Variants in CHD5 observed in about 807,000 individuals in gnomAD.
CHD5 encodes ATP-dependent chromatin remodeler CHD5.
A neutral mutation model predicts 230.3 loss-of-function variants in CHD5; 69 were observed. The ratio of observed to expected loss-of-function variants is 0.30; its 90% CI spans 0.25 to 0.37. The LOEUF (loss-of-function observed/expected upper bound fraction) is 0.37. CHD5 is among the 10% of genes least tolerant of loss of function. The pLI is 1.00. For missense variants in CHD5, 1,827 were observed against 2,622.8 expected (o/e 0.70, Z 6.63); for synonymous variants, 1,064 against 1,065.9 (o/e 1.00, Z 0.03).
In CHD5 at chr1:6,106,528, C is replaced by T. The variant is rs1213023331; in HGVS notation, c.5743-19G>A. The T allele has an allele frequency of 1.3e-6, 2 of 1,550,742 alleles. No homozygotes were observed. The highest frequency in any genetic ancestry group is 1.7e-6 in the Non-Finnish European group (2 of 1,147,174). ...AAGCGCCCTGGAGGCAAGGACTCAG[C>T]TTCACAGGTGGTCTCAGGCCCCCCA... On this transcript the variant is annotated intron_variant, in intron 39 of 41. Transcript: ENST00000262450.
In CHD5 at chr1:6,142,174, A is replaced by G; in HGVS notation, c.2390T>C (p.Phe797Ser). ...CCCACTCCGAATGGCGTTGTCCTCA[A>G]AGGAAAACTCGTTCTCCCGAATCAC... The part of the protein sequence containing the change: ...RSVIRENEFS[F>S]EDNAIRSGKK... Residue 797 changes from phenylalanine (F) to serine (S), a missense_variant, in exon 15 of 42, where the codon TTT becomes TCT. Transcript: ENST00000262450. The surrounding 1 kb of genome is among the most constrained non-coding windows in gnomAD (Gnocchi z 5.2). 1 of 1,614,120 alleles carries G rather than the reference A, an allele frequency of 6.2e-7. No individual in the cohort carries two copies. The highest frequency in any genetic ancestry group is 8.5e-7 in the Non-Finnish European group (1 of 1,179,990).
rs754586094 is a variant in CHD5, at chr1:6,151,086, C to T, written c.940G>A (p.Glu314Lys). The change falls in exon 7 of 42, where the codon GAA (glutamate) becomes AAA (lysine). Residue 314 changes from glutamate to lysine, a missense_variant. Coordinates refer to ENST00000262450, the MANE Select transcript of CHD5 (RefSeq NM_015557.3). ...TTCTTGCCCAGGGCTGCAGAGCATT[C>T]GGAGCGCACGGAGGCACTGTGGATG... The part of the protein sequence containing the change: ...ASIHSASVRS[E>K]CSAALGKKSK... 1.9e-6 allele frequency: 3 copies of T among 1,608,952 alleles called. No homozygotes were observed. The highest frequency in any genetic ancestry group is 1.7e-6 in the Non-Finnish European group (2 of 1,177,392).
intron 2 of CHD5, among the ~76,000 whole-genome samples, chr1:6,163,844 T>C (rs1157174120): frequency 6.6e-6 from 1 of 152,244 alleles, no homozygotes; most frequent in African/African-American, 2.4e-5. Context: ...CAGATGACAG[T>C]TGGCCTTCGA....
In CHD5 at chr1:6,167,742, G is replaced by A. The variant is rs372873079; in HGVS notation, c.207+408C>T. 6.6e-6 allele frequency among the ~76,000 whole-genome samples: 1 copy of A among 152,128 alleles called. No individual in the cohort carries two copies. The highest frequency in any genetic ancestry group is 6.5e-5 in the Admixed American group (1 of 15,278). ...ACGGGAATCCAGAGGTCACCTGCAG[G>A]TGACTGTCCCTAAATGGGGCCTTGC... is the stretch of plus-strand genomic sequence containing the variant. On this transcript the variant is annotated intron_variant, in intron 2 of 41. Transcript: ENST00000262450. The surrounding 1 kb of genome is among the most constrained non-coding windows in gnomAD (Gnocchi z 4.5).
At position 6,175,926 on chromosome 1, in the gene CHD5, T is replaced by C. The variant is rs113533835; in HGVS notation, c.79+4019A>G. Among the ~76,000 whole-genome samples the C allele has an allele frequency of 7.2e-4, 110 of 151,806 alleles. 1 individual carries two copies. The highest frequency in any genetic ancestry group is 2.4e-3 in the African/African-American group (100 of 41,370). On this transcript the variant is annotated intron_variant, in intron 1 of 41. Transcript: ENST00000262450. ...GATGGATGGATGGATATGGTATGGATATGGATTGATAGGCGGATGGTGAAC... is the reference window on the plus strand; with the variant it reads ...GATGGATGGATGGATATGGTATGGACATGGATTGATAGGCGGATGGTGAAC...
intron 2 of CHD5, among the ~76,000 whole-genome samples, chr1:6,162,605 C>T (rs1161968786): frequency 6.6e-6 from 1 of 152,250 alleles, no homozygotes; most frequent in Non-Finnish European, 1.5e-5. Flanking sequence ...TTCCCCCTGA[C>T]ACCACCACGA....
In CHD5 at chr1:6,158,774, G is replaced by A. The variant is rs994189969; in HGVS notation, c.387+562C>T. 7.2e-5 allele frequency among the ~76,000 whole-genome samples: 11 copies of A among 152,134 alleles called. No individual in the cohort carries two copies. In the East Asian group the frequency reaches 1.5e-3, roughly 21 times the overall value. ...TGTAATCCCAGCACTTTGGGAGGCCGAGGCGGGCGGATCACGAGGTCAGGA... is the reference window on the plus strand; with the variant it reads ...TGTAATCCCAGCACTTTGGGAGGCCAAGGCGGGCGGATCACGAGGTCAGGA... On this transcript the variant is annotated intron_variant, in intron 3 of 41. Transcript: ENST00000262450.
chr1:6,113,415 CG>C, intron 33 of CHD5: 1 of 347,286 alleles, frequency 2.9e-6, no homozygotes. Flanking sequence ...CAGAGCAAGA[CG>C]CTGTTTCAAA....
At chr1:6,158,451 C>A (rs373194223) in intron 3 of CHD5, among the ~76,000 whole-genome samples, 1 of 152,316 alleles carries the variant, frequency 6.6e-6, no homozygotes, top group African/African-American at 2.4e-5. Flanking sequence ...TTGCTCCAAG[C>A]AAGAGGTTCC....
At chr1:6,143,251 T>C (rs1038739482) in intron 13 of CHD5, among the ~76,000 whole-genome samples, 3 of 151,918 alleles carry the variant, frequency 2.0e-5, no homozygotes, top group South Asian at 2.1e-4. Flanking sequence ...CTACGTTGCC[T>C]CAAACTTCTG....
chr1:6,180,015 GC>G lies in CHD5; in HGVS notation c.8del (p.Gly3AlafsTer43). 3 of 1,355,758 alleles carry G rather than the reference GC, an allele frequency of 2.2e-6. No individual in the cohort carries two copies. The highest frequency in any genetic ancestry group is 1.4e-5 in the South Asian group (1 of 70,280). 84.0% of individuals were successfully genotyped at this position (1,355,758 alleles called of 1,614,324 possible). On this transcript the variant is annotated frameshift_variant, in exon 1 of 42. Transcript: ENST00000262450. LOFTEE classifies it high-confidence loss of function. Reference protein sequence around the residue: MRGPVGTEEELPR... With the variant: MRXPVGTEEELPR... The stretch of plus-strand genomic sequence containing the variant: ...GCAGCTCCTCCTCGGTGCCCACTGG[GC>G]CCCGCATGCCCGGCGCGGGGAGGAG...
chr1:6,134,103 G>A lies in CHD5; in HGVS notation c.3144+25C>T, dbSNP rs1283239554. Reference sequence around the variant, plus strand: ...GCTCTCTGTGGGGTGTGGAGCCGGGGCGGGGGTGGGCAGGGGCAGCGCACC... The same window carrying A: ...GCTCTCTGTGGGGTGTGGAGCCGGGACGGGGGTGGGCAGGGGCAGCGCACC... On this transcript the variant is annotated intron_variant, in intron 20 of 41. Transcript: ENST00000262450. This position sits in a 1 kb window ranked among gnomAD's most constrained non-coding sequence, Gnocchi z 6.3. The A allele has an allele frequency of 6.2e-7, 1 of 1,606,044 alleles. No homozygotes were observed. Among genetic ancestry groups the A allele is most frequent in the Non-Finnish European group, 8.5e-7 (1 of 1,178,244 alleles).
At chr1:6,160,487 A>G (rs1667158432) in intron 2 of CHD5, among the ~76,000 whole-genome samples, 1 of 152,026 alleles carries the variant, frequency 6.6e-6, no homozygotes. Context: ...CAGCCAGGGA[A>G]GGGCCCCAGC....
chr1:6,115,154 T>C (rs1666359987), intron 33 of CHD5, among the ~76,000 whole-genome samples: 1 of 149,652 alleles, frequency 6.7e-6, no homozygotes. Flanking sequence ...CTACTAAAAA[T>C]ACAAAAAATT....
Position 6,105,510 on chromosome 1 carries a change from C to T in CHD5, c.*47-83G>A. The T allele has an allele frequency of 2.4e-6, 1 of 416,690 alleles. No homozygotes were observed. Among genetic ancestry groups the T allele is most frequent in the Non-Finnish European group, 5.0e-6 (1 of 201,204 alleles). The allele number at this position is 416,690 out of a possible 1,614,324, so 25.8% of individuals were successfully genotyped here. A position where few individuals can be genotyped will look rare whatever the true frequency, so the allele number is the denominator to read the frequency against. ...GGCACCCAACAGCCTGTAGCTGCTT[C>T]TCCACCTATCACAACCAACTATGAT... is the stretch of plus-strand genomic sequence containing the variant. On this transcript the variant is annotated intron_variant, in intron 41 of 41. Transcript: ENST00000262450. This position sits in a 1 kb window ranked among gnomAD's most constrained non-coding sequence, Gnocchi z 4.8.
intron 3 of CHD5, among the ~76,000 whole-genome samples, chr1:6,156,854 G>A (rs540075488): frequency 6.6e-6 from 1 of 152,334 alleles, no homozygotes; most frequent in South Asian, 2.1e-4. Flanking sequence ...GTGACCAGAT[G>A]ACCAGGCCCG....
chr1:6,105,260 AT>A lies in CHD5; in HGVS notation c.*213del. ...CAACGCTGTGTGGAAGAACACTTGA[AT>A]TATGATGAGGTGGCACTTCTGGGCT... On this transcript the variant is annotated 3_prime_UTR_variant, in exon 42 of 42. Transcript: ENST00000262450. This position sits in a 1 kb window ranked among gnomAD's most constrained non-coding sequence, Gnocchi z 4.8. The A allele has an allele frequency of 2.6e-6, 1 of 377,460 alleles. No individual in the cohort carries two copies. The highest frequency in any genetic ancestry group is 2.0e-5 in the South Asian group (1 of 49,694). 23.4% of individuals were successfully genotyped at this position (377,460 alleles called of 1,614,324 possible). A position where few individuals can be genotyped will look rare whatever the true frequency, so the allele number is the denominator to read the frequency against.
At chr1:6,114,491 T>C (rs1666343798) in intron 33 of CHD5, among the ~76,000 whole-genome samples, 1 of 142,220 alleles carries the variant, frequency 7.0e-6, no homozygotes, top group Admixed American at 7.1e-5. Context: ...GATGAGCTTA[T>C]ATATATATAC....
rs1048034932 is a variant in CHD5 at position 6,170,558 on chromosome 1, G to A, written c.80-2281C>T. ...TGCACCACTGTCTTGGTGCCTCTCT[G>A]CACCAGGGCCTCCCTCAAGGGTGGC... On this transcript the variant is annotated intron_variant, in intron 1 of 41. Coordinates refer to ENST00000262450, the MANE Select transcript of CHD5 (RefSeq NM_015557.3). 9.9e-5 allele frequency among the ~76,000 whole-genome samples: 15 copies of A among 152,284 alleles called. No homozygotes were observed. The East Asian group carries it at 2.7e-3, about 28-fold the overall frequency.
Sources: allele counts gnomAD v4.1 joint callset (sites outside exome capture counted in the v4.1 genomes callset), GRCh38; gene constraint gnomAD v4.1.1; non-coding constraint Gnocchi (gnomAD v3.1); transcripts MANE v1.5; gene names NCBI Gene and HGNC (gene_info 2026-07-23, HGNC 2026-07-21).